Variants in KIAA1217 observed in about 807,000 individuals in gnomAD.
The protein encoded by KIAA1217 is sickle tail protein homolog.
Under a neutral mutation model 163.9 loss-of-function variants are expected in KIAA1217, and 88 were observed. The observed-to-expected ratio is 0.54, with a 90% CI of 0.45 to 0.64. The LOEUF is 0.64. Ranked by LOEUF, KIAA1217 falls within the 30% of genes least tolerant of loss-of-function variation. KIAA1217 has a pLI of 0.00. For missense variants in KIAA1217, 2,372 were observed against 2,475.0 expected (o/e 0.96, Z 0.88); for synonymous variants, 903 against 923.1 (o/e 0.98, Z 0.39).
intron 5 of KIAA1217, among the ~76,000 whole-genome samples, chr10:24,445,461 C>T (rs2060841128): frequency 6.6e-6 from 1 of 151,520 alleles, no homozygotes; most frequent in Non-Finnish European, 1.5e-5. Flanking sequence ...ATACATGTGC[C>T]ATGTTGGTGT....
chr10:24,208,812 A>G (rs1006135134), upstream of KIAA1217: 14 of 182,164 alleles, frequency 7.7e-5, no homozygotes, highest in Non-Finnish European at 1.4e-4. Flanking sequence ...GGTTTGCAGC[A>G]GTGGAACCAG....
At chr10:23,957,941 A>C (rs1008286292) in intron 1 of KIAA1217, among the ~76,000 whole-genome samples, 2 of 152,234 alleles carry the variant, frequency 1.3e-5, no homozygotes, top group Non-Finnish European at 2.9e-5. Flanking sequence ...TCAGCACCCC[A>C]CATACAAGAG....
chr10:24,415,109 T>C, intron 3 of KIAA1217, among the ~76,000 whole-genome samples: 1 of 129,540 alleles, frequency 7.7e-6, no homozygotes, highest in South Asian at 2.3e-4. Flanking sequence ...CTGATCTCTC[T>C]CTTTTTTTTT....
At chr10:23,851,010 A>G (rs181464951) in intron 1 of KIAA1217, among the ~76,000 whole-genome samples, 1 of 151,614 alleles carries the variant, frequency 6.6e-6, no homozygotes, top group East Asian at 1.9e-4. Context: ...TGGGGATTAC[A>G]ATTTTTTTTA....
intron 8 of KIAA1217, among the ~76,000 whole-genome samples, chr10:24,499,085 T>C (rs921640821): frequency 6.6e-6 from 1 of 152,182 alleles, no homozygotes; most frequent in African/African-American, 2.4e-5. Context: ...TTATCAGAAA[T>C]GATATGGCAT....
At chr10:23,867,976 T>C (rs1346708576) in intron 1 of KIAA1217, among the ~76,000 whole-genome samples, 1 of 152,178 alleles carries the variant, frequency 6.6e-6, no homozygotes, top group African/African-American at 2.4e-5. Flanking sequence ...AGGATTTTTA[T>C]GGTTTTAGGT....
chr10:24,182,924 A>G (rs1376772757), intron 2 of KIAA1217, among the ~76,000 whole-genome samples: 1 of 152,200 alleles, frequency 6.6e-6, no homozygotes, highest in Non-Finnish European at 1.5e-5. Flanking sequence ...ATGCATGTTA[A>G]AAAGTGATCC....
chr10:24,110,333 C>A (rs7913022), intron 2 of KIAA1217, among the ~76,000 whole-genome samples: 4,983 of 152,046 alleles, frequency 0.033, 271 homozygotes, highest in African/African-American at 0.11. Context: ...ATTCAGTGCT[C>A]GTGGGGAGCC....
exon 2 of KIAA1217, chr10:24,007,261 C>T (rs1267436891): frequency 1.3e-5 from 2 of 151,990 alleles, no homozygotes; most frequent in Non-Finnish European, 2.9e-5. Flanking sequence ...TGGCCGATTG[C>T]ACTGTGTCCT....
At chr10:23,701,577 G>T (rs1836451895) in intron 1 of KIAA1217, among the ~76,000 whole-genome samples, 1 of 152,156 alleles carries the variant, frequency 6.6e-6, no homozygotes, top group Admixed American at 6.5e-5. Flanking sequence ...GGAGTTATGA[G>T]GTCGTATCAA....
In KIAA1217 at chr10:24,276,987, G is replaced by A. The variant is rs188878546; in HGVS notation, c.354+57078G>A. ...TTGCCCAAGCTGGTGTCAAATTCCT[G>A]ACCTCAAGCAATCCTCCCACCTCGG... On this transcript the variant is annotated intron_variant, in intron 2 of 20. Coordinates refer to ENST00000376454, the MANE Select transcript of KIAA1217 (RefSeq NM_019590.5). Among the ~76,000 whole-genome samples, 185 of 152,028 alleles carry A rather than the reference G, an allele frequency of 1.2e-3. 1 individual carries two copies. Among genetic ancestry groups the A allele is most frequent in the Admixed American group, 0.011 (162 of 15,252 alleles).
intron 2 of KIAA1217, among the ~76,000 whole-genome samples, chr10:24,343,163 G>T (rs2047315454): frequency 6.6e-6 from 1 of 152,022 alleles, no homozygotes; most frequent in Admixed American, 6.6e-5. Context: ...TTTTCCACAG[G>T]ATAACTTTCT....
intron 1 of KIAA1217, among the ~76,000 whole-genome samples, chr10:23,817,962 C>CATATAT (rs71397918): frequency 2.4e-4 from 13 of 54,256 alleles, no homozygotes; most frequent in South Asian, 7.4e-4. Context: ...TGTGGTGGCA[C>CATATAT]ATATATATAT....
At chr10:24,387,590 A>G (rs1345929021) in intron 3 of KIAA1217, among the ~76,000 whole-genome samples, 2 of 152,212 alleles carry the variant, frequency 1.3e-5, no homozygotes, top group Non-Finnish European at 2.9e-5. Flanking sequence ...AGGGTATTCA[A>G]TTAGGAAAAG....
chr10:24,306,220 C>A (rs1216429759), intron 2 of KIAA1217, among the ~76,000 whole-genome samples: 1 of 152,104 alleles, frequency 6.6e-6, no homozygotes, highest in Non-Finnish European at 1.5e-5. Context: ...ACTGTTAATA[C>A]CCACAGCAAC....
intron 1 of KIAA1217, among the ~76,000 whole-genome samples, chr10:23,869,124 G>GTTGTTTTTTTTTTTTTTTTTTTTT (rs1840331777): frequency 3.2e-5 from 1 of 31,702 alleles, no homozygotes; most frequent in Non-Finnish European, 6.3e-5. Flanking sequence ...ATGAAATGTA[G>GTTGTTTTTTTTTTTTTTTTTTTTT]TTTTTTTTTT....
At chr10:24,436,582 A>AC (rs1475818064) in intron 4 of KIAA1217, among the ~76,000 whole-genome samples, 1 of 151,554 alleles carries the variant, frequency 6.6e-6, no homozygotes, top group South Asian at 2.1e-4. Context: ...CACAGTGAAA[A>AC]CCCGTCTCTA....
At chr10:24,340,727 T>A (rs940966227) in intron 2 of KIAA1217, among the ~76,000 whole-genome samples, 1 of 152,208 alleles carries the variant, frequency 6.6e-6, no homozygotes, top group East Asian at 1.9e-4. Flanking sequence ...TTCTTCTGCT[T>A]TAAACTGCCA....
At chr10:24,344,522 G>A (rs1290630355) in intron 2 of KIAA1217, among the ~76,000 whole-genome samples, 1 of 152,200 alleles carries the variant, frequency 6.6e-6, no homozygotes, top group Non-Finnish European at 1.5e-5. Context: ...AGTCAGTTCT[G>A]ACCTTATTAT....
Sources: gnomAD v4.1 joint callset for allele counts (sites outside exome capture counted in the v4.1 genomes callset) on GRCh38, gnomAD v4.1.1 for gene constraint, MANE v1.5 for transcripts, NCBI Gene and HGNC (gene_info 2026-07-23, HGNC 2026-07-21) for gene names.